ZNF462: variants seen among roughly 807,000 people sequenced by gnomAD.
ZNF462 encodes the protein zinc finger protein 462.
Under a neutral mutation model 201.9 loss-of-function variants are expected in ZNF462, and 10 were observed. The observed-to-expected ratio is 0.05, with a 90% CI of 0.03 to 0.08. The LOEUF is 0.08. Among genes scored for constraint, ZNF462 ranks in the 10% least tolerant of loss-of-function variants. The pLI, the probability that ZNF462 is intolerant of heterozygous loss-of-function variation, is 1.00. For synonymous variants in ZNF462, 1,227 were observed against 1,193.3 expected (o/e 1.03, Z -0.58); for missense variants, 2,523 against 3,168.3 (o/e 0.80, Z 4.89).
At chr9:106,871,350 GTTAAAGCTAACAGGAAAGTAGGCT>G (rs1279948236) in intron 1 of ZNF462, among the ~76,000 whole-genome samples, 2 of 152,154 alleles carry the variant, frequency 1.3e-5, no homozygotes, top group African/African-American at 4.8e-5. Flanking sequence ...AGACAAGGTT[GTTAAAGCTAACAGGAAAGTAGGCT>G]AAAGCATTGC....
rs1165848353 is a variant in ZNF462, at chr9:106,933,700, T to C, written c.6116+1151T>C. Among the ~76,000 whole-genome samples the C allele has an allele frequency of 6.6e-6, 1 of 152,068 alleles. No homozygotes were observed. Among genetic ancestry groups the C allele is most frequent in the Non-Finnish European group, 1.5e-5 (1 of 68,020 alleles). On this transcript the variant is annotated intron_variant, in intron 5 of 12. Transcript: ENST00000277225. The surrounding 1 kb of genome is among the most constrained non-coding windows in gnomAD (Gnocchi z 4.3). ...TAAAGCACGTCTTTGAAAATATCAG[T>C]AAAATACTATGATGTGTCAAAGAAG...
chr9:106,959,291 C>G (rs1212222763), intron 7 of ZNF462, among the ~76,000 whole-genome samples: 2 of 152,070 alleles, frequency 1.3e-5, no homozygotes, highest in Non-Finnish European at 2.9e-5. Context: ...TACTATGTGC[C>G]TAGAGCTGGG....
At chr9:106,949,633 C>G (rs1198186900) in intron 7 of ZNF462, among the ~76,000 whole-genome samples, 1 of 152,142 alleles carries the variant, frequency 6.6e-6, no homozygotes, top group Non-Finnish European at 1.5e-5. Flanking sequence ...TTTCTGCCAC[C>G]TCTTCAGAGT....
At position 106,925,542 on chromosome 9, in the gene ZNF462, C is replaced by A. The variant is rs1830156954; in HGVS notation, c.1630C>A (p.Gln544Lys). ...TCCCTTGCAGCAGCAACAGCCACCG[C>A]AGCCACCACCACCGCCGCCGCCACC... Reference protein sequence around the residue: ...LDPLQQQQPPQPPPPPPPPPP... With the variant: ...LDPLQQQQPPKPPPPPPPPPP... Residue 544 changes from glutamine (Q) to lysine (K), a missense_variant, in exon 3 of 13, where the codon CAG (glutamine) becomes AAG (lysine). Gln to Lys is a moderately conservative substitution (Grantham distance 53, BLOSUM62 1). Around this residue, in one of 15 missense-constraint regions of ZNF462, gnomAD observed 383 missense variants for 453.4 expected, o/e 0.84. Coordinates refer to ENST00000277225, the MANE Select transcript of ZNF462 (RefSeq NM_021224.6). This position sits in a 1 kb window ranked among gnomAD's most constrained non-coding sequence, Gnocchi z 7.9. The A allele has an allele frequency of 6.2e-7, 1 of 1,613,274 alleles. No homozygotes were observed. The highest frequency in any genetic ancestry group is 8.5e-7 in the Non-Finnish European group (1 of 1,179,700).
intron 1 of ZNF462, among the ~76,000 whole-genome samples, chr9:106,871,515 A>G (rs1329781791): frequency 6.6e-6 from 1 of 152,242 alleles, no homozygotes; most frequent in East Asian, 1.9e-4. Flanking sequence ...TCCTACAGGA[A>G]GAAGTAAGGC....
chr9:106,871,024 G>A (rs929271045), intron 1 of ZNF462, among the ~76,000 whole-genome samples: 7 of 152,196 alleles, frequency 4.6e-5, no homozygotes, highest in African/African-American at 1.7e-4. Context: ...GGGAGCCGAT[G>A]TCCTCTAAGG....
intron 8 of ZNF462, among the ~76,000 whole-genome samples, chr9:106,973,488 C>T (rs1826748785): frequency 6.6e-6 from 1 of 152,210 alleles, no homozygotes; most frequent in Admixed American, 6.5e-5. Flanking sequence ...GACAGACAGG[C>T]AGACACTTTC....
At chr9:106,947,826 G>A (rs2131728187) in intron 7 of ZNF462, among the ~76,000 whole-genome samples, 1 of 152,256 alleles carries the variant, frequency 6.6e-6, no homozygotes, top group East Asian at 1.9e-4. Flanking sequence ...CCCAAGAAAT[G>A]ATCCAGAGTG....
chr9:106,887,981 C>T (rs1244472032), intron 1 of ZNF462, among the ~76,000 whole-genome samples: 1 of 151,724 alleles, frequency 6.6e-6, no homozygotes, highest in Non-Finnish European at 1.5e-5. Flanking sequence ...TAAAGCATGC[C>T]ATGAATTCGT....
chr9:106,862,708 TG>T, upstream of ZNF462, among the ~76,000 whole-genome samples: 1 of 152,266 alleles, frequency 6.6e-6, no homozygotes, highest in Non-Finnish European at 1.5e-5. This position sits in a 1 kb window ranked among gnomAD's most constrained non-coding sequence, Gnocchi z 4.2. Flanking sequence ...TGCCTCCTTC[TG>T]GGGTTCAGCA....
chr9:106,925,695 G>T lies in ZNF462; in HGVS notation c.1783G>T (p.Ala595Ser). 2 of 1,614,002 alleles carry T rather than the reference G, an allele frequency of 1.2e-6. No individual in the cohort carries two copies. The highest frequency in any genetic ancestry group is 1.7e-6 in the Non-Finnish European group (2 of 1,180,008). ...TQQPQPPTQA[A>S]PLHPYKCTMC... ...GCAGCCACAGCCACCCACACAAGCCGCACCTCTGCACCCATACAAATGCAC... is the reference window on the plus strand; with the variant it reads ...GCAGCCACAGCCACCCACACAAGCCTCACCTCTGCACCCATACAAATGCAC... The change falls in exon 3 of 13, where the codon GCA (alanine) becomes TCA (serine). Residue 595 changes from alanine (A) to serine (S), a missense_variant. Transcript: ENST00000277225. The surrounding 1 kb of genome is among the most constrained non-coding windows in gnomAD (Gnocchi z 7.9).
chr9:106,964,586 T>A (rs1831988014), intron 7 of ZNF462, among the ~76,000 whole-genome samples: 1 of 152,054 alleles, frequency 6.6e-6, no homozygotes, highest in Non-Finnish European at 1.5e-5. Flanking sequence ...CTTAGACATT[T>A]GTGAAACAGT....
In ZNF462 at chr9:106,946,265, A is replaced by T. The variant is rs2131706931; in HGVS notation, c.6427+7158A>T. Among the ~76,000 whole-genome samples the T allele has an allele frequency of 2.0e-5, 3 of 152,368 alleles. No homozygotes were observed. The South Asian group carries it at 6.2e-4, about 32-fold the overall frequency. On this transcript the variant is annotated intron_variant, in intron 7 of 12. Transcript: ENST00000277225. ...CTTCCAGACCTCATTTGTGGAAAGT[A>T]TCTAAAAGAGAAGAAATCTACTTTA...
chr9:106,996,863 G>A (rs1167788313), intron 10 of ZNF462, among the ~76,000 whole-genome samples: 5 of 152,108 alleles, frequency 3.3e-5, no homozygotes, highest in African/African-American at 1.2e-4. Flanking sequence ...TGTGTCAAGT[G>A]TATGACTCTG....
chr9:106,897,462 T>A lies in ZNF462; in HGVS notation c.-30-25892T>A, dbSNP rs577033887. On this transcript the variant is annotated intron_variant, in intron 1 of 12. Transcript: ENST00000277225. ...TCAGTGACCTCATTCTACTTTAATA[T>A]GTCGATCTTTGAAGACTTACTTTTT... Among the ~76,000 whole-genome samples, 4 of 152,272 alleles carry A rather than the reference T, an allele frequency of 2.6e-5. No homozygotes were observed. The South Asian group carries it at 8.3e-4, about 32-fold the overall frequency.
Position 106,983,942 on chromosome 9 carries a change from A to G in ZNF462, c.6833-244A>G, listed in dbSNP as rs146376096. Among the ~76,000 whole-genome samples, 14 of 152,108 alleles carry G rather than the reference A, an allele frequency of 9.2e-5. No homozygotes were observed. In the East Asian group the frequency reaches 2.5e-3, roughly 27 times the overall value. On this transcript the variant is annotated intron_variant, in intron 9 of 12. Coordinates refer to ENST00000277225, the MANE Select transcript of ZNF462 (RefSeq NM_021224.6). ...GCACCTACTAGCCCACCCCACCTCTATTTATAGGTCATTCTGGGTATTAAG... is the reference window on the plus strand; with the variant it reads ...GCACCTACTAGCCCACCCCACCTCTGTTTATAGGTCATTCTGGGTATTAAG...
At chr9:106,994,548 G>A (rs549660889) in intron 10 of ZNF462, among the ~76,000 whole-genome samples, 1 of 152,018 alleles carries the variant, frequency 6.6e-6, no homozygotes, top group Non-Finnish European at 1.5e-5. Flanking sequence ...AGCAGCTTTA[G>A]CTTTATCAAC....
chr9:106,958,802 A>T (rs1831696873), intron 7 of ZNF462, among the ~76,000 whole-genome samples: 1 of 152,130 alleles, frequency 6.6e-6, no homozygotes, highest in Non-Finnish European at 1.5e-5. Flanking sequence ...CTATCAAGAG[A>T]AAGAAAGCCA....
intron 1 of ZNF462, among the ~76,000 whole-genome samples, chr9:106,900,003 T>C (rs1047506573): frequency 7.0e-6 from 1 of 143,460 alleles, no homozygotes; most frequent in African/African-American, 2.5e-5. Context: ...CTCCCACTCT[T>C]CCCCCCAAGT....
Sources: gnomAD v4.1 joint callset for allele counts (sites outside exome capture counted in the v4.1 genomes callset) on GRCh38, gnomAD v4.1.1 for gene constraint, gnomAD v4.1.1 regional missense constraint, Gnocchi (gnomAD v3.1) non-coding constraint, MANE v1.5 for transcripts, NCBI Gene and HGNC (gene_info 2026-07-23, HGNC 2026-07-21) for gene names.